Variants in ZNF782 observed in about 807,000 individuals in gnomAD.
The protein encoded by ZNF782 is zinc finger protein 782.
In ZNF782, 12 loss-of-function variants were observed where a neutral mutation model predicts 13.0. The ratio of observed to expected loss-of-function variants is 0.92; its 90% CI spans 0.59 to 1.50. The LOEUF (loss-of-function observed/expected upper bound fraction) is 1.50. Ranked by LOEUF, ZNF782 falls within the 40% of genes most tolerant of loss-of-function variation. The pLI, the probability that ZNF782 is intolerant of heterozygous loss-of-function variation, is 0.00. For synonymous variants in ZNF782, 284 were observed against 283.0 expected (o/e 1.00, Z -0.04); for missense variants, 770 against 822.9 (o/e 0.94, Z 0.79).
chr9:96,866,085 G>A (rs1181700660), intron 1 of ZNF782, among the ~76,000 whole-genome samples: 3 of 152,216 alleles, frequency 2.0e-5, no homozygotes, highest in Non-Finnish European at 2.9e-5. Flanking sequence ...CCCATTTTCT[G>A]AGGAGAAATT....
upstream of ZNF782, among the ~76,000 whole-genome samples, chr9:96,854,781 C>G (rs939253779): frequency 2.6e-5 from 4 of 151,826 alleles, no homozygotes; most frequent in African/African-American, 9.7e-5. Context: ...CCGGTTGAAC[C>G]AACATTTTTT....
intron 2 of ZNF782, 107 bp downstream of exon 2, chr9:96,852,746 A>C (rs941247175): frequency 6.6e-6 from 1 of 152,660 alleles, no homozygotes; most frequent in Non-Finnish European, 1.5e-5. Flanking sequence ...AATCCACAGA[A>C]AGTCTTATAA....
chr9:96,886,376 G>T, the ZNF782 span, among the ~76,000 whole-genome samples: 7 of 152,284 alleles, frequency 4.6e-5, no homozygotes, highest in South Asian at 1.2e-3. Context: ...AACCTCTCAT[G>T]AGTTTCTTAA....
chr9:96,817,853 G>T lies in ZNF782; in HGVS notation c.*70C>A. The T allele has an allele frequency of 1.5e-6, 2 of 1,351,928 alleles. No homozygotes were observed. Among genetic ancestry groups the T allele is most frequent in the Non-Finnish European group, 2.0e-6 (2 of 990,998 alleles). 83.7% of individuals were successfully genotyped at this position (1,351,928 alleles called of 1,614,324 possible). The stretch of plus-strand genomic sequence containing the variant: ...CACTATGTTAACAGTTCTCTCCTGT[G>T]TGTTCATTTATGTATTGTGAGGTTT... On this transcript the variant is annotated 3_prime_UTR_variant, in exon 6 of 6. Transcript: ENST00000481138.
intron 4 of ZNF782, among the ~76,000 whole-genome samples, chr9:96,835,943 T>C (rs560507436): frequency 3.9e-5 from 6 of 152,212 alleles, no homozygotes; most frequent in Non-Finnish European, 7.4e-5. Context: ...ACCCCAAAAT[T>C]GTAGAGCCAC....
intron 3 of ZNF782, 105 bp from the exon 4 acceptor site, chr9:96,845,121 A>G: frequency 1.4e-6 from 2 of 1,402,324 alleles, no homozygotes; most frequent in Non-Finnish European, 2.0e-6. Context: ...TTAAAACAAA[A>G]TGCTATAAGG....
the ZNF782 span, among the ~76,000 whole-genome samples, chr9:96,911,745 C>T: frequency 3.3e-5 from 5 of 151,804 alleles, no homozygotes; most frequent in Admixed American, 3.3e-4. Flanking sequence ...TGGTCTCCAT[C>T]TCCTGACCTC....
intron 4 of ZNF782, among the ~76,000 whole-genome samples, chr9:96,831,542 T>A (rs995176703): frequency 6.6e-6 from 1 of 151,800 alleles, no homozygotes; most frequent in Non-Finnish European, 1.5e-5. Context: ...ACTCTCTCTC[T>A]ACTAAAAATA....
intron 3 of ZNF782, among the ~76,000 whole-genome samples, chr9:96,848,238 C>A (rs1274783737): frequency 6.6e-6 from 1 of 152,118 alleles, no homozygotes; most frequent in African/African-American, 2.4e-5. Context: ...AAAGCACTCC[C>A]CCTGAGAACA....
chr9:96,910,563 C>T, the ZNF782 span, among the ~76,000 whole-genome samples: 1 of 111,474 alleles, frequency 9.0e-6, no homozygotes, highest in African/African-American at 3.5e-5. Flanking sequence ...ACACTCTCCA[C>T]CACCCAACCT....
the ZNF782 span, chr9:96,888,981 T>A: frequency 6.6e-6 from 1 of 152,202 alleles, no homozygotes; most frequent in Admixed American, 6.5e-5. Flanking sequence ...GAGCTTCTGA[T>A]CCTCAAGAGC....
chr9:96,924,771 T>C, the ZNF782 span, among the ~76,000 whole-genome samples: 1 of 152,242 alleles, frequency 6.6e-6, no homozygotes, highest in African/African-American at 2.4e-5. Context: ...ACCTTTTGCA[T>C]TGTTTGGAAT....
In ZNF782 at chr9:96,818,720, A is replaced by C; in HGVS notation, c.1303T>G (p.Ser435Ala). ...GTTCTCTGGTGTATTCTTAGGCCTGACTTTGCACTGAAAGCTTTATCACAT... is the reference window on the plus strand; with the variant it reads ...GTTCTCTGGTGTATTCTTAGGCCTGCCTTTGCACTGAAAGCTTTATCACAT... ...DGCDKAFSAK[S>A]GLRIHQRTHT... is the part of the protein sequence containing the mutation. The change falls in exon 6 of 6, where the codon TCA becomes GCA. Residue 435 changes from serine (S) to alanine (A), a missense_variant. Coordinates refer to ENST00000481138, the MANE Select transcript of ZNF782 (RefSeq NM_001001662.3). 1 of 1,614,154 alleles carries C rather than the reference A, an allele frequency of 6.2e-7. No individual in the cohort carries two copies. Among genetic ancestry groups the C allele is most frequent in the Non-Finnish European group, 8.5e-7 (1 of 1,180,024 alleles).
At chr9:96,880,942 A>G in the ZNF782 span, among the ~76,000 whole-genome samples, 2 of 152,180 alleles carry the variant, frequency 1.3e-5, no homozygotes, top group Non-Finnish European at 2.9e-5. Flanking sequence ...GTTTTAAACT[A>G]TGAATTCCAT....
At chr9:96,882,174 C>A in the ZNF782 span, among the ~76,000 whole-genome samples, 1 of 151,926 alleles carries the variant, frequency 6.6e-6, no homozygotes, top group African/African-American at 2.4e-5. Context: ...GGCCTAAATT[C>A]ATTAAGACAG....
chr9:96,882,878 G>T, the ZNF782 span, among the ~76,000 whole-genome samples: 4 of 152,154 alleles, frequency 2.6e-5, no homozygotes, highest in Non-Finnish European at 5.9e-5. Flanking sequence ...ACTTGTAGGA[G>T]GGGTGGTTTA....
chr9:96,933,366 A>G, the ZNF782 span, among the ~76,000 whole-genome samples: 1 of 150,062 alleles, frequency 6.7e-6, no homozygotes, highest in East Asian at 2.0e-4. Flanking sequence ...GTTTGGGTTT[A>G]GGTCTTTTTT....
At chr9:96,905,095 T>C in the ZNF782 span, among the ~76,000 whole-genome samples, 2 of 146,386 alleles carry the variant, frequency 1.4e-5, no homozygotes, top group African/African-American at 2.8e-5. Context: ...CCATCTTGAA[T>C]AGGAGCTGGG....
chr9:96,876,700 G>A (rs1851895534), upstream of ZNF782, among the ~76,000 whole-genome samples: 1 of 151,972 alleles, frequency 6.6e-6, no homozygotes, highest in African/African-American at 2.4e-5. Context: ...TACGCACAAC[G>A]CAAAATAAGA....
Sources: gnomAD v4.1 joint callset for allele counts (sites outside exome capture counted in the v4.1 genomes callset) on GRCh38, gnomAD v4.1.1 for gene constraint, MANE v1.5 for transcripts, NCBI Gene and HGNC (gene_info 2026-07-23, HGNC 2026-07-21) for gene names.